Variants in ADAMTS12 observed in about 807,000 individuals in gnomAD.
ADAMTS12 encodes the protein ADAM metallopeptidase with thrombospondin type 1 motif 12.
Under a neutral mutation model 167.8 loss-of-function variants are expected in ADAMTS12, and 118 were observed. The ratio of observed to expected loss-of-function variants is 0.70; its 90% confidence interval spans 0.61 to 0.82. The LOEUF is 0.82. Among genes scored for constraint, ADAMTS12 ranks in the 40% least tolerant of loss-of-function variants. The pLI is 0.00. For synonymous variants in ADAMTS12, 704 were observed against 716.9 expected (o/e 0.98, Z 0.29); for missense variants, 1,916 against 1,998.8 (o/e 0.96, Z 0.79).
chr5:33,733,999 ACACACACAC>A (rs1379230908), intron 3 of ADAMTS12, among the ~76,000 whole-genome samples: 1 of 1,766 alleles, frequency 5.7e-4, no homozygotes, highest in East Asian at 8.5e-3. Context: ...CTTCCCCACT[ACACACACAC>A]ACACACACAC....
At chr5:33,835,972 C>T (rs2591717) in intron 2 of ADAMTS12, among the ~76,000 whole-genome samples, 17,737 of 120,610 alleles carry the variant, frequency 0.15, 2,426 homozygotes, top group East Asian at 0.45. Context: ...TGTGTGTGTC[C>T]ATCTGGGCAG....
chr5:33,735,423 T>A (rs1367539862), intron 3 of ADAMTS12, among the ~76,000 whole-genome samples: 1 of 152,230 alleles, frequency 6.6e-6, no homozygotes, highest in African/African-American at 2.4e-5. Context: ...GTTTTTGCTA[T>A]CTTGTATAAT....
At chr5:33,595,568 G>GT (rs1239970555) in intron 17 of ADAMTS12, among the ~76,000 whole-genome samples, 3 of 152,216 alleles carry the variant, frequency 2.0e-5, no homozygotes, top group East Asian at 3.9e-4. Context: ...TGATCGGAAG[G>GT]TGCCAACCTT....
chr5:33,540,562 C>T lies in ADAMTS12; in HGVS notation c.4446+5497G>A, dbSNP rs181229632. ...CTGGAACACACCTCCCAGCAGGGGC[C>T]AACAGACACATCATATAGGCAGCTG... On this transcript the variant is annotated intron_variant, in intron 22 of 23. Transcript: ENST00000504830. Among the ~76,000 whole-genome samples, 7 of 152,294 alleles carry T rather than the reference C, an allele frequency of 4.6e-5. No individual in the cohort carries two copies. The East Asian group carries it at 1.4e-3, about 29-fold the overall frequency.
chr5:33,674,519 A>G (rs1741829926), intron 5 of ADAMTS12, among the ~76,000 whole-genome samples: 1 of 152,184 alleles, frequency 6.6e-6, no homozygotes, highest in Non-Finnish European at 1.5e-5. Flanking sequence ...ATAATAATAA[A>G]GGTGATGGCT....
chr5:33,781,422 T>C (rs1047158422), intron 2 of ADAMTS12, among the ~76,000 whole-genome samples: 1 of 152,202 alleles, frequency 6.6e-6, no homozygotes, highest in African/African-American at 2.4e-5. Context: ...TCAGAATATG[T>C]GGATGTGGGC....
intron 2 of ADAMTS12, among the ~76,000 whole-genome samples, chr5:33,867,619 T>TAC (rs34725912): frequency 0.051 from 7,737 of 151,458 alleles, 340 homozygotes; most frequent in East Asian, 0.17. Flanking sequence ...GAAATAAAAA[T>TAC]ACACACACAC....
chr5:33,828,647 T>C (rs1290768515), intron 2 of ADAMTS12, among the ~76,000 whole-genome samples: 19 of 152,206 alleles, frequency 1.2e-4, no homozygotes. Context: ...CTAGGGTCCA[T>C]ATTTGTATGA....
chr5:33,738,854 G>T (rs1023452204), intron 3 of ADAMTS12, among the ~76,000 whole-genome samples: 1 of 152,198 alleles, frequency 6.6e-6, no homozygotes, highest in Non-Finnish European at 1.5e-5. Context: ...AGGATGGCGT[G>T]GGGAGAAGAT....
chr5:33,712,900 G>A (rs1743454596), intron 3 of ADAMTS12, among the ~76,000 whole-genome samples: 1 of 152,084 alleles, frequency 6.6e-6, no homozygotes, highest in Non-Finnish European at 1.5e-5. Flanking sequence ...TGGGGTCATG[G>A]CCTAGATCCA....
At chr5:33,560,312 A>G (rs1162170384) in intron 20 of ADAMTS12, among the ~76,000 whole-genome samples, 1 of 152,188 alleles carries the variant, frequency 6.6e-6, no homozygotes, top group Admixed American at 6.5e-5. Flanking sequence ...AGAAAAAAAA[A>G]CACTGTTGGT....
At chr5:33,854,855 G>A (rs1749344568) in intron 2 of ADAMTS12, among the ~76,000 whole-genome samples, 1 of 152,162 alleles carries the variant, frequency 6.6e-6, no homozygotes, top group Admixed American at 6.5e-5. Flanking sequence ...AACCCCCAAA[G>A]GTCAGAGGTC....
intron 9 of ADAMTS12, among the ~76,000 whole-genome samples, chr5:33,644,651 C>G (rs1413371742): frequency 1.3e-5 from 2 of 151,838 alleles, no homozygotes; most frequent in Non-Finnish European, 1.5e-5. Flanking sequence ...TTAAGGGCTT[C>G]TTAAGGGCTT....
chr5:33,838,574 G>A (rs1006157544), intron 2 of ADAMTS12, among the ~76,000 whole-genome samples: 17 of 152,066 alleles, frequency 1.1e-4, no homozygotes, highest in African/African-American at 3.9e-4. Context: ...TCCCAGCTAT[G>A]TGGAGGCTGA....
chr5:33,655,258 T>A (rs1741010424), intron 7 of ADAMTS12, among the ~76,000 whole-genome samples: 1 of 152,148 alleles, frequency 6.6e-6, no homozygotes, highest in Non-Finnish European at 1.5e-5. Context: ...TATATGCATC[T>A]CTTTACCTGG....
chr5:33,591,536 A>ATTTCAAATTC, intron 17 of ADAMTS12, among the ~76,000 whole-genome samples: 1 of 152,198 alleles, frequency 6.6e-6, no homozygotes, highest in Non-Finnish European at 1.5e-5. Flanking sequence ...TGACAAAACC[A>ATTTCAAATTC]TGACTACAGT....
chr5:33,573,900 G>GA (rs1380916659), intron 19 of ADAMTS12, among the ~76,000 whole-genome samples: 1 of 151,974 alleles, frequency 6.6e-6, no homozygotes, highest in Non-Finnish European at 1.5e-5. Context: ...AAATTTACAA[G>GA]AAAAAAACAA....
At chr5:33,653,226 G>A (rs996128209) in intron 7 of ADAMTS12, among the ~76,000 whole-genome samples, 6 of 152,020 alleles carry the variant, frequency 3.9e-5, no homozygotes, top group African/African-American at 1.4e-4. Context: ...ATGAATAGAT[G>A]TCAAATTTTG....
chr5:33,815,962 G>A (rs529525409), intron 2 of ADAMTS12, among the ~76,000 whole-genome samples: 5 of 152,222 alleles, frequency 3.3e-5, no homozygotes, highest in East Asian at 3.9e-4. Context: ...CCTGGTCTCC[G>A]TCTGCAAATT....
Sources: allele counts gnomAD v4.1 joint callset (sites outside exome capture counted in the v4.1 genomes callset), GRCh38; gene constraint gnomAD v4.1.1; transcripts MANE v1.5; gene names NCBI Gene and HGNC (gene_info 2026-07-23, HGNC 2026-07-21).